Variants in PLEKHM3 observed in about 807,000 individuals in gnomAD.
PLEKHM3 encodes pleckstrin homology domain containing M3, also known as pleckstrin homology domain-containing family M member 3.
A neutral mutation model predicts 81.8 loss-of-function variants in PLEKHM3; 45 were observed. The observed-to-expected ratio is 0.55, with a 90% CI of 0.43 to 0.71. The LOEUF (loss-of-function observed/expected upper bound fraction) is 0.71. Ranked by LOEUF, PLEKHM3 falls within the 30% of genes least tolerant of loss-of-function variation. The probability of loss-of-function intolerance (pLI) is 0.00; values close to 1 mark genes in which losing one functional copy is unlikely to be tolerated. For synonymous variants in PLEKHM3, 352 were observed against 356.4 expected, an observed-to-expected ratio of 0.99 and a Z score of 0.14; for missense variants, 788 against 924.3, an observed-to-expected ratio of 0.85 and a Z score of 1.91.
intron 3 of PLEKHM3, among the ~76,000 whole-genome samples, chr2:207,954,853 T>G (rs1427311415): frequency 6.6e-6 from 1 of 152,246 alleles, no homozygotes; most frequent in Non-Finnish European, 1.5e-5. Flanking sequence ...AATGTTTATT[T>G]AATCTCATGG....
At position 207,984,294 on chromosome 2, in the gene PLEKHM3, C is replaced by T. The variant is rs561300727; in HGVS notation, c.611-6708G>A. Among the ~76,000 whole-genome samples, 13 of 152,282 alleles carry T rather than the reference C, an allele frequency of 8.5e-5. No homozygotes were observed. The South Asian group carries it at 2.7e-3, about 32-fold the overall frequency. Reference sequence around the variant, plus strand: ...ATATTTCTAGTCTAACAGATAAGATCTTTAAAATATATACGATACTTTTTT... The same window carrying T: ...ATATTTCTAGTCTAACAGATAAGATTTTTAAAATATATACGATACTTTTTT... On this transcript the variant is annotated intron_variant, in intron 2 of 7. Transcript: ENST00000427836.
Position 208,001,447 on chromosome 2 carries a change from A to C in PLEKHM3, c.193T>G (p.Ser65Ala). 3 of 1,614,164 alleles carry C rather than the reference A, an allele frequency of 1.9e-6. No individual in the cohort carries two copies. Among genetic ancestry groups the C allele is most frequent in the Non-Finnish European group, 2.5e-6 (3 of 1,180,000 alleles). ...TDNGAMRNVT[S>A]LGKGGMIWDH... Reference sequence around the variant, plus strand: ...CAAATCATGCCCCCCTTGCCCAGGGAGGTGACATTTCTCATAGCACCATTG... The same window carrying C: ...CAAATCATGCCCCCCTTGCCCAGGGCGGTGACATTTCTCATAGCACCATTG... The change falls in exon 2 of 8, where the codon TCC (serine) becomes GCC (alanine). Residue 65 changes from serine (S) to alanine (A), a missense_variant. Transcript: ENST00000427836.
At chr2:207,995,093 G>T (rs183620794) in intron 2 of PLEKHM3, among the ~76,000 whole-genome samples, 3 of 152,226 alleles carry the variant, frequency 2.0e-5, no homozygotes, top group Non-Finnish European at 4.4e-5. Flanking sequence ...CATCAGGGTC[G>T]GTTCACTTCA....
rs1254588886 is a variant in PLEKHM3 at position 207,956,308 on chromosome 2, TACAC to T, written c.1547-9800_1547-9797del. On this transcript the variant is annotated intron_variant, in intron 3 of 7. Coordinates refer to ENST00000427836, the MANE Select transcript of PLEKHM3 (RefSeq NM_001080475.3). Reference sequence around the variant, plus strand: ...GGTGAAACCCCATCTATACTACAAATACACACAAAAAAAAATTAGCCGGGCGTGG... The same window carrying T: ...GGTGAAACCCCATCTATACTACAAATACAAAAAAAAATTAGCCGGGCGTGG... Among the ~76,000 whole-genome samples, 16 of 151,780 alleles carry T rather than the reference TACAC, an allele frequency of 1.1e-4. No homozygotes were observed. In the East Asian group the frequency reaches 2.9e-3, roughly 28 times the overall value.
chr2:207,866,449 GC>G (rs773812344), intron 6 of PLEKHM3, among the ~76,000 whole-genome samples: 1 of 152,070 alleles, frequency 6.6e-6, no homozygotes, highest in Non-Finnish European at 1.5e-5. Flanking sequence ...GAGCCACTGG[GC>G]CTGGCGAATT....
chr2:207,861,915 T>C (rs2092469777), intron 6 of PLEKHM3, among the ~76,000 whole-genome samples: 1 of 152,158 alleles, frequency 6.6e-6, no homozygotes, highest in African/African-American at 2.4e-5. Context: ...AATCAGATGA[T>C]CTAGCACAAC....
intron 5 of PLEKHM3, among the ~76,000 whole-genome samples, chr2:207,919,431 A>G (rs1329907395): frequency 2.0e-5 from 3 of 152,198 alleles, no homozygotes; most frequent in Non-Finnish European, 4.4e-5. Flanking sequence ...CTATAGTCTT[A>G]AGAACAGACT....
chr2:207,837,363 G>A (rs1399926758), intron 7 of PLEKHM3, among the ~76,000 whole-genome samples: 1 of 152,114 alleles, frequency 6.6e-6, no homozygotes, highest in Admixed American at 6.5e-5. Flanking sequence ...CACTTTGGGA[G>A]GCTGAAGCAG....
chr2:207,924,696 AAAAC>A (rs1189033121), intron 5 of PLEKHM3, among the ~76,000 whole-genome samples: 1 of 152,110 alleles, frequency 6.6e-6, no homozygotes, highest in Admixed American at 6.6e-5. Flanking sequence ...AAACCAAACC[AAAAC>A]AAACAAACAA....
intron 4 of PLEKHM3, among the ~76,000 whole-genome samples, chr2:207,933,814 G>A (rs770065142): frequency 3.3e-5 from 5 of 152,214 alleles, no homozygotes; most frequent in Non-Finnish European, 7.3e-5. Context: ...GTTGTTACTA[G>A]CAGTAGGCAT....
At chr2:207,877,603 T>C (rs1242230856) in intron 6 of PLEKHM3, among the ~76,000 whole-genome samples, 2 of 152,228 alleles carry the variant, frequency 1.3e-5, no homozygotes, top group Non-Finnish European at 2.9e-5. Flanking sequence ...AGCTGTAGAC[T>C]AGCTTATGTA....
At chr2:207,916,523 T>A (rs1364578443) in intron 5 of PLEKHM3, among the ~76,000 whole-genome samples, 1 of 152,146 alleles carries the variant, frequency 6.6e-6, no homozygotes, top group Non-Finnish European at 1.5e-5. Flanking sequence ...ATAGATCACC[T>A]GAGGTCAGGA....
chr2:207,890,583 G>A (rs1221749913), intron 6 of PLEKHM3, among the ~76,000 whole-genome samples: 4 of 152,070 alleles, frequency 2.6e-5, no homozygotes, highest in Admixed American at 6.6e-5. Flanking sequence ...AGCCAAGATC[G>A]TACCACTGCC....
intron 6 of PLEKHM3, chr2:207,900,469 C>T (rs559636860): frequency 1.3e-5 from 2 of 152,308 alleles, no homozygotes; most frequent in South Asian, 4.1e-4. Context: ...ACAGATCTCA[C>T]TACTGAATAG....
At chr2:207,984,268 T>C (rs1353490408) in intron 2 of PLEKHM3, among the ~76,000 whole-genome samples, 1 of 152,262 alleles carries the variant, frequency 6.6e-6, no homozygotes. Flanking sequence ...TACTTCAGGG[T>C]ATATTTCTAG....
chr2:207,905,229 T>C, intron 6 of PLEKHM3, among the ~76,000 whole-genome samples: 1 of 152,232 alleles, frequency 6.6e-6, no homozygotes, highest in East Asian at 1.9e-4. Flanking sequence ...AAAAGCCCCT[T>C]TTCTCTAGTT....
At position 207,828,132 on chromosome 2, in the gene PLEKHM3, A is replaced by T; in HGVS notation, c.*187T>A. Reference sequence around the variant, plus strand: ...GGTTCTGTGGATCGTCTGGACAATGATGTACACAGAGCATACGTACAGGAC... The same window carrying T: ...GGTTCTGTGGATCGTCTGGACAATGTTGTACACAGAGCATACGTACAGGAC... On this transcript the variant is annotated 3_prime_UTR_variant, in exon 8 of 8. Transcript: ENST00000427836. 1 of 380,628 alleles carries T rather than the reference A, an allele frequency of 2.6e-6. No homozygotes were observed. The highest frequency in any genetic ancestry group is 4.4e-5 in the East Asian group (1 of 22,914). The allele number at this position is 380,628 out of a possible 1,614,324, so 23.6% of individuals were successfully genotyped here. A position where few individuals can be genotyped will look rare whatever the true frequency, so the allele number is the denominator to read the frequency against.
In PLEKHM3 at chr2:207,997,513, C is replaced by A. The variant is rs73064893; in HGVS notation, c.610+3517G>T. 3.4e-3 allele frequency among the ~76,000 whole-genome samples: 520 copies of A among 152,214 alleles called. 3 individuals are homozygous for A. The highest frequency in any genetic ancestry group is 0.012 in the African/African-American group (494 of 41,526). ...GAACATTAACTGGAGAAAACATAACCATGCAGTAATAACACCAGCAAGTAA... is the reference window on the plus strand; with the variant it reads ...GAACATTAACTGGAGAAAACATAACAATGCAGTAATAACACCAGCAAGTAA... On this transcript the variant is annotated intron_variant, in intron 2 of 7. Coordinates refer to ENST00000427836, the MANE Select transcript of PLEKHM3 (RefSeq NM_001080475.3).
rs190917742 is a variant in PLEKHM3 at position 207,994,517 on chromosome 2, G to T, written c.610+6513C>A. Among the ~76,000 whole-genome samples the T allele has an allele frequency of 5.8e-4, 88 of 151,594 alleles. No individual in the cohort carries two copies. In the South Asian group the frequency reaches 9.0e-3, roughly 15 times the overall value. ...ATTCTTTTTTTTTTTTCATTTTCTG[G>T]AGTTGACTTGTAAGAAATCAGCCAT... On this transcript the variant is annotated intron_variant, in intron 2 of 7. Coordinates refer to ENST00000427836, the MANE Select transcript of PLEKHM3 (RefSeq NM_001080475.3).
Sources: allele counts gnomAD v4.1 joint callset (sites outside exome capture counted in the v4.1 genomes callset), GRCh38; gene constraint gnomAD v4.1.1; transcripts MANE v1.5; gene names NCBI Gene and HGNC (gene_info 2026-07-23, HGNC 2026-07-21).